MOV10L1: variants seen among roughly 807,000 people sequenced by gnomAD.
MOV10L1 encodes Mov10 like RNA helicase 1.
MOV10L1 carries 110 observed loss-of-function variants against 143.8 expected under a neutral mutation model. The ratio of observed to expected loss-of-function variants is 0.76; its 90% confidence interval spans 0.66 to 0.90. The LOEUF is 0.90. Among genes scored for constraint, MOV10L1 ranks in the 40% least tolerant of loss-of-function variants. The pLI is 0.00. For missense variants in MOV10L1, 1,406 were observed against 1,526.8 expected (o/e 0.92, Z 1.32); for synonymous variants, 593 against 581.1 (o/e 1.02, Z -0.29).
At position 50,159,659 on chromosome 22, in the gene MOV10L1, CTTTT is replaced by C. The variant is rs2063506670; in HGVS notation, c.3217-18_3217-15del. The C allele has an allele frequency of 6.7e-7, 1 of 1,488,372 alleles. No individual in the cohort carries two copies. Among genetic ancestry groups the C allele is most frequent in the East Asian group, 2.3e-5 (1 of 44,026 alleles). The allele number at this position is 1,488,372 out of a possible 1,614,324, so 92.2% of individuals were successfully genotyped here. A position where few individuals can be genotyped will look rare whatever the true frequency, so the allele number is the denominator to read the frequency against. ...TTGTACAGTGTTATCTTTAGTCTTTCTTTTAATCTGTTCTCAAGGTGGAGAAAAT... is the reference window on the plus strand; with the variant it reads ...TTGTACAGTGTTATCTTTAGTCTTTCAATCTGTTCTCAAGGTGGAGAAAAT... On this transcript the variant is annotated splice_polypyrimidine_tract_variant and intron_variant, in intron 23 of 26. Transcript: ENST00000262794. This position sits in a 1 kb window ranked among gnomAD's most constrained non-coding sequence, Gnocchi z 4.1.
intron 9 of MOV10L1, 106 bp downstream of exon 9, chr22:50,117,457 T>C (rs1008061090): frequency 8.4e-7 from 1 of 1,189,908 alleles, no homozygotes; most frequent in African/African-American, 1.5e-5. Flanking sequence ...TGGGGAGGTA[T>C]AAAGGGGATG....
chr22:50,159,870 G>C lies in MOV10L1; in HGVS notation c.3324+85G>C. On this transcript the variant is annotated intron_variant, in intron 24 of 26. Coordinates refer to ENST00000262794, the MANE Select transcript of MOV10L1 (RefSeq NM_018995.3). This position sits in a 1 kb window ranked among gnomAD's most constrained non-coding sequence, Gnocchi z 4.1. ...TGGGGGCTTCAGATCTAAAGGGGCA[G>C]AGGCTGATTCCCAGCCCAGAGAAGC... 1 of 853,456 alleles carries C rather than the reference G, an allele frequency of 1.2e-6. No homozygotes were observed. Among genetic ancestry groups the C allele is most frequent in the South Asian group, 1.6e-5 (1 of 63,946 alleles). The allele number at this position is 853,456 out of a possible 1,614,324, so 52.9% of individuals were successfully genotyped here.
At chr22:50,098,210 ATAAT>A (rs1183256463) in intron 2 of MOV10L1, among the ~76,000 whole-genome samples, 1 of 148,906 alleles carries the variant, frequency 6.7e-6, no homozygotes, top group Non-Finnish European at 1.5e-5. Flanking sequence ...CATCTTAATA[ATAAT>A]TAAGTATTAA....
intron 21 of MOV10L1, among the ~76,000 whole-genome samples, chr22:50,151,453 G>A (rs538787069): frequency 3.3e-5 from 5 of 152,174 alleles, no homozygotes; most frequent in Non-Finnish European, 7.3e-5. Context: ...AGAAAATGAG[G>A]GGCAGTTACC....
rs371724678 is a variant in MOV10L1 at position 50,108,765 on chromosome 22, G to C, written c.664G>C (p.Val222Leu). ...PDGYTPRRGD[V>L]VNAVVVESSQ... ...TGGGTACACACCCCGGAGAGGTGAC[G>C]TGGTCAATGCAGTGGTGGTGGAGAG... The change falls in exon 5 of 27, where the codon GTG (valine) becomes CTG (leucine). Residue 222 changes from valine (V) to leucine (L), a missense_variant. By Grantham distance (32) the Val-to-Leu change is conservative (BLOSUM62 1). Around this residue, in one of 3 missense-constraint regions of MOV10L1, gnomAD observed 1,233 missense variants for 1,351.4 expected, o/e 0.91. Coordinates refer to ENST00000262794, the MANE Select transcript of MOV10L1 (RefSeq NM_018995.3). The C allele has an allele frequency of 5.0e-6, 8 of 1,614,072 alleles. No homozygotes were observed. Among genetic ancestry groups the C allele is most frequent in the Non-Finnish European group, 6.8e-6 (8 of 1,180,040 alleles).
In MOV10L1 at chr22:50,117,304, A is replaced by G. The variant is rs748782304; in HGVS notation, c.1407A>G (p.Gln469=). The change falls in exon 9 of 27, where the codon CAA becomes CAG. Residue 469 remains glutamine (Q), a synonymous_variant. Transcript: ENST00000262794. ...PFSWKKLKSS[Q]ALTSAKTTVV... is the part of the protein sequence containing the mutation. The stretch of plus-strand genomic sequence containing the variant: ...CTTGGAAAAAGCTTAAAAGTTCACA[A>G]GCGTTAACATCCGCAAAAACTACAG... 3 of 1,614,206 alleles carry G rather than the reference A, an allele frequency of 1.9e-6. No homozygotes were observed. Among genetic ancestry groups the G allele is most frequent in the African/African-American group, 2.7e-5 (2 of 75,050 alleles).
intron 15 of MOV10L1, among the ~76,000 whole-genome samples, chr22:50,136,955 G>A (rs973387142): frequency 3.3e-5 from 5 of 152,156 alleles, no homozygotes; most frequent in South Asian, 2.1e-4. Flanking sequence ...TCTCAGGAGC[G>A]TAGAAAGTCC....
At chr22:50,157,761 CAA>C (rs35212822) in intron 22 of MOV10L1, among the ~76,000 whole-genome samples, 49,149 of 119,906 alleles carry the variant, frequency 0.41, 9,651 homozygotes, top group Non-Finnish European at 0.48. Context: ...GGTCTAATAT[CAA>C]AAAAAAAAAA....
chr22:50,160,419 T>C (rs1569057544), intron 24 of MOV10L1, among the ~76,000 whole-genome samples: 1 of 151,396 alleles, frequency 6.6e-6, no homozygotes, highest in African/African-American at 2.4e-5. Flanking sequence ...GCTAATTTTT[T>C]TTTTTTTGTA....
At chr22:50,100,669 C>A (rs1286915870) in intron 3 of MOV10L1, among the ~76,000 whole-genome samples, 2 of 152,104 alleles carry the variant, frequency 1.3e-5, no homozygotes, top group African/African-American at 4.8e-5. Flanking sequence ...CCACAGCAGG[C>A]TAACTTTTTG....
intron 4 of MOV10L1, 127 bp downstream of exon 4, chr22:50,108,375 AGAG>A (rs764182175): frequency 1.1e-6 from 1 of 905,512 alleles, no homozygotes; most frequent in South Asian, 1.4e-5. Context: ...TCATGGCCAA[AGAG>A]GAGTGTGTTT....
At chr22:50,150,578 C>A (rs1054467467) in intron 20 of MOV10L1, among the ~76,000 whole-genome samples, 157 bp from the exon 21 acceptor site, 1 of 152,156 alleles carries the variant, frequency 6.6e-6, no homozygotes, top group Non-Finnish European at 1.5e-5. Flanking sequence ...GGCTCCAAGC[C>A]CTGTCGGCAT....
At chr22:50,092,320 G>C (rs2062470327) in intron 2 of MOV10L1, 135 bp downstream of exon 2, 2 of 777,138 alleles carry the variant, frequency 2.6e-6, no homozygotes, top group Non-Finnish European at 4.1e-6. Context: ...GGATGCTTTT[G>C]CTCTTTATGA....
intron 8 of MOV10L1, among the ~76,000 whole-genome samples, 187 bp downstream of exon 8, chr22:50,115,433 G>A (rs715506): frequency 0.45 from 68,073 of 151,858 alleles, 15,844 homozygotes; most frequent in South Asian, 0.62. Flanking sequence ...GGCCCCTGTA[G>A]TCCTAGCTAC....
intron 18 of MOV10L1, among the ~76,000 whole-genome samples, 159 bp downstream of exon 18, chr22:50,144,402 G>A (rs558082498): frequency 3.3e-5 from 5 of 152,312 alleles, no homozygotes; most frequent in African/African-American, 1.2e-4. Flanking sequence ...CTCCCTCACC[G>A]CTAAATGGTG....
chr22:50,153,535 A>C (rs138274), intron 22 of MOV10L1, among the ~76,000 whole-genome samples: 1 of 152,064 alleles, frequency 6.6e-6, no homozygotes, highest in Non-Finnish European at 1.5e-5. Context: ...TCGCAGGGCC[A>C]TGTGGCTGGG....
At chr22:50,091,343 C>T (rs567985027) in intron 1 of MOV10L1, 18 of 167,498 alleles carry the variant, frequency 1.1e-4, no homozygotes, top group South Asian at 1.0e-3. Flanking sequence ...GTGGCTGCAG[C>T]AGTGGCCAGA....
rs2063341299 is a variant in MOV10L1 at position 50,153,134 on chromosome 22, T to C, written c.2982T>C (p.Cys994=). Reference sequence around the variant, plus strand: ...TCTACCACAGGGAACTCGAGGTCTGTGCGGACCCCACAGTGGTGACCTCCT... The same window carrying C: ...TCTACCACAGGGAACTCGAGGTCTGCGCGGACCCCACAGTGGTGACCTCCT... ...RLFYHRELEV[C]ADPTVVTSLL... is the part of the protein sequence containing the mutation. Residue 994 remains cysteine, a synonymous_variant, in exon 22 of 27, where the codon TGT becomes TGC. Transcript: ENST00000262794. 6.2e-7 allele frequency: 1 copy of C among 1,614,012 alleles called. No individual in the cohort carries two copies. Among genetic ancestry groups the C allele is most frequent in the Non-Finnish European group, 8.5e-7 (1 of 1,179,988 alleles).
chr22:50,105,142 T>C (rs2061837461), intron 3 of MOV10L1, among the ~76,000 whole-genome samples: 1 of 152,224 alleles, frequency 6.6e-6, no homozygotes, highest in South Asian at 2.1e-4. Context: ...GAGGAAATAT[T>C]AGTAAACTCA....
Sources: gnomAD v4.1 joint callset for allele counts (sites outside exome capture counted in the v4.1 genomes callset) on GRCh38, gnomAD v4.1.1 for gene constraint, gnomAD v4.1.1 regional missense constraint, Gnocchi (gnomAD v3.1) non-coding constraint, MANE v1.5 for transcripts, NCBI Gene and HGNC (gene_info 2026-07-23, HGNC 2026-07-21) for gene names.